TENM3: variants seen among roughly 807,000 people sequenced by gnomAD.
The protein encoded by TENM3 is teneurin transmembrane protein 3, also known as teneurin-3.
In TENM3, 63 loss-of-function variants were observed where a neutral mutation model predicts 255.1. The ratio of observed to expected loss-of-function variants is 0.25; its 90% CI spans 0.20 to 0.30. TENM3 has a LOEUF of 0.30. Ranked by LOEUF, TENM3 falls within the 10% of genes least tolerant of loss-of-function variation. The probability of loss-of-function intolerance (pLI) is 1.00; values close to 1 mark genes in which losing one functional copy is unlikely to be tolerated. For synonymous variants in TENM3, 1,306 were observed against 1,322.3 expected (o/e 0.99, Z 0.27); for missense variants, 2,929 against 3,461.1 (o/e 0.85, Z 3.86).
At chr4:182,694,211 G>C (rs1447155458) in intron 12 of TENM3, among the ~76,000 whole-genome samples, 1 of 152,024 alleles carries the variant, frequency 6.6e-6, no homozygotes, top group Non-Finnish European at 1.5e-5. Context: ...CTGAGCCCAA[G>C]TGATCCTCCC....
At chr4:181,765,199 C>CA in the TENM3 span, among the ~76,000 whole-genome samples, 1 of 152,240 alleles carries the variant, frequency 6.6e-6, no homozygotes, top group East Asian at 1.9e-4. Context: ...TTGTTCTTAA[C>CA]AAAATGCTTT....
the TENM3 span, among the ~76,000 whole-genome samples, chr4:181,712,351 T>C: frequency 6.6e-6 from 1 of 152,292 alleles, no homozygotes; most frequent in Admixed American, 6.5e-5. Context: ...GTTTTTGTGA[T>C]AGAGTTCTCA....
the TENM3 span, among the ~76,000 whole-genome samples, chr4:181,629,530 G>C: frequency 6.6e-6 from 1 of 152,304 alleles, no homozygotes; most frequent in African/African-American, 2.4e-5. Context: ...AATTTATTGA[G>C]AGTTTTTAGC....
intron 5 of TENM3, among the ~76,000 whole-genome samples, chr4:182,646,750 A>G (rs1223949561): frequency 6.6e-6 from 1 of 152,122 alleles, no homozygotes; most frequent in Non-Finnish European, 1.5e-5. Context: ...TCAAACATAC[A>G]TACATACATA....
At chr4:182,738,051 C>T (rs1040098217) in intron 17 of TENM3, among the ~76,000 whole-genome samples, 1 of 152,026 alleles carries the variant, frequency 6.6e-6, no homozygotes, top group Non-Finnish European at 1.5e-5. Context: ...AGATGGCAAA[C>T]GTTATTTTTA....
At chr4:182,313,929 A>G (rs1002564960) in intron 1 of TENM3, among the ~76,000 whole-genome samples, 22 of 152,216 alleles carry the variant, frequency 1.4e-4, no homozygotes, top group African/African-American at 5.3e-4. Context: ...TCCTTCAGCC[A>G]GAGAGATCTT....
chr4:181,808,633 C>G, the TENM3 span, among the ~76,000 whole-genome samples: 2,089 of 152,232 alleles, frequency 0.014, 17 homozygotes, highest in South Asian at 0.045. Context: ...CCTACATATT[C>G]CCTTCAATTC....
intron 3 of TENM3, among the ~76,000 whole-genome samples, chr4:182,537,767 A>G (rs1740480628): frequency 6.6e-6 from 1 of 152,140 alleles, no homozygotes; most frequent in Non-Finnish European, 1.5e-5. Context: ...GTTTCTGTGG[A>G]TACGTTTGTG....
At chr4:181,674,446 A>T in the TENM3 span, among the ~76,000 whole-genome samples, 11 of 135,804 alleles carry the variant, frequency 8.1e-5, no homozygotes, top group African/African-American at 2.7e-4. Flanking sequence ...TAAATTAAGT[A>T]TTGGAAATGC....
At chr4:182,733,223 G>A (rs572507845) in intron 16 of TENM3, among the ~76,000 whole-genome samples, 10 of 152,288 alleles carry the variant, frequency 6.6e-5, no homozygotes, top group Admixed American at 3.9e-4. Context: ...AAAATAGAAG[G>A]GGATTCTTGG....
chr4:182,728,887 C>A (rs1760448750), intron 13 of TENM3, 78 bp from the exon 14 acceptor site: 26 of 894,458 alleles, frequency 2.9e-5, no homozygotes, highest in Admixed American at 6.1e-5. Flanking sequence ...AAAAAAAAAA[C>A]AGTCAAGAAA....
At chr4:182,384,133 A>G (rs893604000) in intron 3 of TENM3, among the ~76,000 whole-genome samples, 3 of 152,136 alleles carry the variant, frequency 2.0e-5, no homozygotes, top group African/African-American at 4.8e-5. Flanking sequence ...ACGTGACTCA[A>G]TAATGATGCT....
At chr4:182,122,848 A>ATGCAAAGCTGTTTTCATCTACAT in the TENM3 span, among the ~76,000 whole-genome samples, 18 of 152,302 alleles carry the variant, frequency 1.2e-4, no homozygotes, top group Middle Eastern at 6.8e-3. Context: ...TCATCTTCCC[A>ATGCAAAGCTGTTTTCATCTACAT]TGCAAAGCTG....
intron 1 of TENM3, among the ~76,000 whole-genome samples, chr4:182,176,333 C>G (rs62352053): frequency 0.29 from 44,731 of 151,848 alleles, 7,368 homozygotes; most frequent in Non-Finnish European, 0.39. Context: ...GGCAGATTAC[C>G]TCCTCTGTGT....
At chr4:181,681,537 C>A in the TENM3 span, among the ~76,000 whole-genome samples, 329 of 152,176 alleles carry the variant, frequency 2.2e-3, 2 homozygotes, top group African/African-American at 7.6e-3. Flanking sequence ...ATGCAATATC[C>A]TTTCTGTATA....
the TENM3 span, among the ~76,000 whole-genome samples, chr4:181,742,238 G>A: frequency 6.6e-6 from 1 of 152,004 alleles, no homozygotes; most frequent in Non-Finnish European, 1.5e-5. Flanking sequence ...AATATAATTT[G>A]TGTTGTTATA....
At chr4:182,239,089 T>G (rs1171821379), upstream of TENM3, among the ~76,000 whole-genome samples, 1 of 151,408 alleles carries the variant, frequency 6.6e-6, no homozygotes, top group East Asian at 1.9e-4. Flanking sequence ...TTTTTTTTCT[T>G]TTTTTGAGAC....
intron 3 of TENM3, among the ~76,000 whole-genome samples, chr4:182,518,288 C>T (rs559599820): frequency 8.2e-4 from 113 of 137,218 alleles, no homozygotes; most frequent in Middle Eastern, 3.7e-3. Flanking sequence ...CCTGGGTGCG[C>T]CCATTCTGTA....
At chr4:182,203,342 T>C (rs957540777) in intron 1 of TENM3, among the ~76,000 whole-genome samples, 1 of 151,940 alleles carries the variant, frequency 6.6e-6, no homozygotes, top group Admixed American at 6.6e-5. Context: ...GTAGGTAGCG[T>C]GGTAAAAGTT....
Sources: allele counts gnomAD v4.1 joint callset (sites outside exome capture counted in the v4.1 genomes callset), GRCh38; gene constraint gnomAD v4.1.1; transcripts MANE v1.5; gene names NCBI Gene and HGNC (gene_info 2026-07-23, HGNC 2026-07-21).